The following PAWR variants were observed in gnomAD, a reference collection of about 807,000 sequenced individuals.
The protein encoded by PAWR is pro-apoptotic WT1 regulator, also known as PRKC apoptosis WT1 regulator protein.
In PAWR, 23 loss-of-function variants were observed where a neutral mutation model predicts 32.0. The ratio of observed to expected loss-of-function variants is 0.72; its 90% CI spans 0.52 to 1.02. The LOEUF (loss-of-function observed/expected upper bound fraction) is 1.02. PAWR is among the 50% of genes least tolerant of loss of function. The pLI is 0.00. For missense variants in PAWR, 457 were observed against 437.7 expected (o/e 1.04, Z -0.39); for synonymous variants, 226 against 187.1 (o/e 1.21, Z -1.70).
At chr12:79,675,370 CTCTG>C (rs1378467652) in intron 2 of PAWR, among the ~76,000 whole-genome samples, 1 of 152,124 alleles carries the variant, frequency 6.6e-6, no homozygotes, top group Non-Finnish European at 1.5e-5. Flanking sequence ...CAAAGCAAGA[CTCTG>C]TCTCTCAAAT....
chr12:79,654,533 G>C (rs1253306708), intron 2 of PAWR, among the ~76,000 whole-genome samples: 1 of 151,974 alleles, frequency 6.6e-6, no homozygotes, highest in Non-Finnish European at 1.5e-5. Flanking sequence ...TGTTCATAAA[G>C]CCTAGTTCTC....
chr12:79,608,190 C>G (rs1172874504), intron 4 of PAWR, among the ~76,000 whole-genome samples: 1 of 152,096 alleles, frequency 6.6e-6, no homozygotes, highest in Non-Finnish European at 1.5e-5. Flanking sequence ...TAGTCGGTTT[C>G]TTATGAAAGA....
chr12:79,621,751 A>G (rs2136717575), intron 2 of PAWR, among the ~76,000 whole-genome samples: 1 of 152,326 alleles, frequency 6.6e-6, no homozygotes, highest in Middle Eastern at 3.4e-3. Context: ...TTGGAATTGC[A>G]GATATATAAA....
At chr12:79,673,454 G>A (rs1397374126) in intron 2 of PAWR, among the ~76,000 whole-genome samples, 2 of 152,214 alleles carry the variant, frequency 1.3e-5, no homozygotes, top group Admixed American at 6.5e-5. Context: ...GAAGTGATTT[G>A]TTCTTCAAGT....
Position 79,634,966 on chromosome 12 carries a change from C to A in PAWR, c.517-13759G>T, listed in dbSNP as rs949426158. 2.6e-5 allele frequency among the ~76,000 whole-genome samples: 4 copies of A among 152,036 alleles called. No individual in the cohort carries two copies. The East Asian group carries it at 5.8e-4, about 22-fold the overall frequency. On this transcript the variant is annotated intron_variant, in intron 2 of 6. Transcript: ENST00000328827. ...TACACCTCAGTCACTAACAGCAGAC[C>A]CAGCTTCCCCAAGTCTCATCTATCA...
intron 2 of PAWR, among the ~76,000 whole-genome samples, chr12:79,659,412 T>C (rs1877245855): frequency 6.6e-6 from 1 of 152,326 alleles, no homozygotes; most frequent in African/African-American, 2.4e-5. Flanking sequence ...TCTAATCATA[T>C]ACTTTAACAT....
intron 2 of PAWR, among the ~76,000 whole-genome samples, chr12:79,643,325 T>G (rs761276277): frequency 1.6e-4 from 25 of 152,070 alleles, no homozygotes; most frequent in Non-Finnish European, 2.5e-4. Context: ...CCAAAATACT[T>G]AATAGTCAAA....
chr12:79,616,835 G>A (rs555734675), intron 3 of PAWR, among the ~76,000 whole-genome samples: 2 of 152,052 alleles, frequency 1.3e-5, no homozygotes, highest in South Asian at 2.1e-4. Flanking sequence ...ATACTACGTT[G>A]GTACGAAAAG....
intron 2 of PAWR, among the ~76,000 whole-genome samples, chr12:79,664,182 A>T (rs1057105253): frequency 2.6e-5 from 4 of 152,176 alleles, no homozygotes; most frequent in Non-Finnish European, 5.9e-5. Flanking sequence ...TCCTCGAGAC[A>T]GTCAACAGAG....
intron 4 of PAWR, chr12:79,597,971 G>A (rs11114189): frequency 0.33 from 49,955 of 152,056 alleles, 13,315 homozygotes; most frequent in African/African-American, 0.74. Flanking sequence ...TCTGCTTCTA[G>A]GCTCACTCAC....
chr12:79,608,846 A>T (rs901486265), intron 4 of PAWR, among the ~76,000 whole-genome samples: 21 of 151,884 alleles, frequency 1.4e-4, no homozygotes, highest in African/African-American at 4.8e-4. Context: ...GGAGTTTGAG[A>T]CCAGTCTGGC....
intron 2 of PAWR, among the ~76,000 whole-genome samples, chr12:79,639,981 C>T (rs796505360): frequency 1.1e-4 from 17 of 150,248 alleles, no homozygotes; most frequent in African/African-American, 4.3e-4. Flanking sequence ...CTCATCTAAG[C>T]GCAACCACCA....
chr12:79,656,077 G>C (rs1253888053), intron 2 of PAWR, among the ~76,000 whole-genome samples: 4 of 152,170 alleles, frequency 2.6e-5, no homozygotes, highest in Non-Finnish European at 5.9e-5. Flanking sequence ...CACATCTGAG[G>C]TATCAAGGTA....
intron 2 of PAWR, among the ~76,000 whole-genome samples, chr12:79,667,104 C>G (rs1216539336): frequency 1.3e-5 from 2 of 152,126 alleles, no homozygotes; most frequent in African/African-American, 4.8e-5. Flanking sequence ...AAACTGTGCC[C>G]CGACCACCTT....
At chr12:79,592,726 T>C (rs760762143) in intron 6 of PAWR, 33 bp from the exon 7 acceptor site, 12 of 706,946 alleles carry the variant, frequency 1.7e-5, no homozygotes, top group Non-Finnish European at 2.8e-5. Flanking sequence ...TTAAAAATAC[T>C]TAAAAATATT....
At chr12:79,608,623 T>C (rs1185588027) in intron 4 of PAWR, among the ~76,000 whole-genome samples, 1 of 152,256 alleles carries the variant, frequency 6.6e-6, no homozygotes, top group South Asian at 2.1e-4. Context: ...ATTTATGTTA[T>C]GTAGAAGTCT....
intron 6 of PAWR, 69 bp downstream of exon 6, chr12:79,594,260 A>G: frequency 1.6e-6 from 1 of 613,880 alleles, no homozygotes; most frequent in Admixed American, 3.5e-5. Flanking sequence ...TAATTTCTTC[A>G]TATTTATATA....
chr12:79,648,558 G>A (rs945080525), intron 2 of PAWR, among the ~76,000 whole-genome samples: 2 of 151,296 alleles, frequency 1.3e-5, no homozygotes, highest in Non-Finnish European at 2.9e-5. Flanking sequence ...CAAGGCGGGG[G>A]GATCGCTTGA....
At chr12:79,617,204 T>C (rs1010701382) in intron 3 of PAWR, among the ~76,000 whole-genome samples, 3 of 152,078 alleles carry the variant, frequency 2.0e-5, no homozygotes, top group African/African-American at 7.2e-5. Flanking sequence ...ATACAACAAT[T>C]AGCTGGGCCT....
Sources: gnomAD v4.1 joint callset for allele counts (sites outside exome capture counted in the v4.1 genomes callset) on GRCh38, gnomAD v4.1.1 for gene constraint, MANE v1.5 for transcripts, NCBI Gene and HGNC (gene_info 2026-07-23, HGNC 2026-07-21) for gene names.